EDEM3: variants seen among roughly 807,000 people sequenced by gnomAD.
The protein encoded by EDEM3 is ER degradation enhancing alpha-mannosidase like protein 3.
A neutral mutation model predicts 110.2 loss-of-function variants in EDEM3; 60 were observed. The ratio of observed to expected loss-of-function variants is 0.54; its 90% CI spans 0.44 to 0.67. The LOEUF is 0.67. EDEM3 is among the 30% of genes least tolerant of loss of function. The pLI is 0.00. For missense variants in EDEM3, 996 were observed against 1,121.0 expected, an observed-to-expected ratio of 0.89 and a Z score of 1.59; for synonymous variants, 352 against 382.9, an observed-to-expected ratio of 0.92 and a Z score of 0.94.
At position 184,754,566 on chromosome 1, in the gene EDEM3, C is replaced by T; in HGVS notation, c.81G>A (p.Ala27=). The T allele has an allele frequency of 6.2e-7, 1 of 1,610,222 alleles. No homozygotes were observed. Among genetic ancestry groups the T allele is most frequent in the Non-Finnish European group, 8.5e-7 (1 of 1,178,930 alleles). Residue 27 remains alanine, a synonymous_variant, in exon 1 of 20, where the codon GCG becomes GCA. Coordinates refer to ENST00000318130, the MANE Select transcript of EDEM3 (RefSeq NM_025191.4). ...ARWRLVAATA[A]FCLVSATSVW... ...CGGAGGTGGCCGACACCAGGCAGAA[C>T]GCGGCCGTCGCCGCCACTAGTCTCC...
intron 6 of EDEM3, among the ~76,000 whole-genome samples, chr1:184,729,833 T>C (rs1354314142): frequency 6.6e-6 from 1 of 152,230 alleles, no homozygotes; most frequent in African/African-American, 2.4e-5. Context: ...TTTTAATTCC[T>C]TGCCTGCTTC....
chr1:184,711,937 T>C, intron 14 of EDEM3, 60 bp from the exon 15 acceptor site: 2 of 1,426,268 alleles, frequency 1.4e-6, no homozygotes, highest in African/African-American at 2.9e-5. Context: ...CATAATTTTT[T>C]TTTTTTTGAA....
At chr1:184,725,921 CAAAT>C (rs1430391880) in intron 7 of EDEM3, among the ~76,000 whole-genome samples, 1 of 151,966 alleles carries the variant, frequency 6.6e-6, no homozygotes, top group African/African-American at 2.4e-5. Flanking sequence ...GGAAGTCTAA[CAAAT>C]AAAACACAGG....
intron 7 of EDEM3, among the ~76,000 whole-genome samples, chr1:184,724,588 AT>A (rs899849227): frequency 3.3e-5 from 5 of 152,224 alleles, no homozygotes; most frequent in South Asian, 4.1e-4. Flanking sequence ...GCATGAACCT[AT>A]TTAGCACTGC....
chr1:184,741,735 CTTAT>C (rs1320727165), intron 2 of EDEM3, among the ~76,000 whole-genome samples: 4 of 152,084 alleles, frequency 2.6e-5, no homozygotes, highest in African/African-American at 7.2e-5. Context: ...TATTTTATTG[CTTAT>C]TTGTTTTAAA....
intron 2 of EDEM3, among the ~76,000 whole-genome samples, chr1:184,743,110 T>A (rs1652231945): frequency 6.6e-6 from 1 of 152,138 alleles, no homozygotes. Flanking sequence ...CCCAGAATAA[T>A]CAAATAAGGG....
rs781750968 is a variant in EDEM3, at chr1:184,710,376, A to G, written c.1845+18T>C. The G allele has an allele frequency of 6.2e-7, 1 of 1,609,176 alleles. No homozygotes were observed. Among genetic ancestry groups the G allele is most frequent in the Admixed American group, 1.7e-5 (1 of 59,494 alleles). Reference sequence around the variant, plus strand: ...AGCAGGGCAGAGACGGTATCTAATTAGTGTAGCAATGTCTTACTTGGATTG... The same window carrying G: ...AGCAGGGCAGAGACGGTATCTAATTGGTGTAGCAATGTCTTACTTGGATTG... On this transcript the variant is annotated intron_variant, in intron 16 of 19. Coordinates refer to ENST00000318130, the MANE Select transcript of EDEM3 (RefSeq NM_025191.4).
At chr1:184,713,050 A>C (rs1016378830) in intron 13 of EDEM3, among the ~76,000 whole-genome samples, 4 of 152,196 alleles carry the variant, frequency 2.6e-5, no homozygotes, top group Non-Finnish European at 1.5e-5. Context: ...TTAAATGTAA[A>C]GAAATTACTT....
At chr1:184,734,758 A>G (rs1651730268) in intron 4 of EDEM3, 115 bp from the exon 5 acceptor site, 1 of 359,894 alleles carries the variant, frequency 2.8e-6, no homozygotes, top group African/African-American at 2.1e-5. Flanking sequence ...TGACATACAC[A>G]AATAATATTT....
chr1:184,720,361 A>T (rs1650819758), intron 9 of EDEM3: 1 of 152,108 alleles, frequency 6.6e-6, no homozygotes, highest in Admixed American at 6.6e-5. Flanking sequence ...TTGAATGCAT[A>T]AACTCAATCC....
intron 7 of EDEM3, among the ~76,000 whole-genome samples, chr1:184,725,175 AT>A (rs771854169): frequency 1.4e-3 from 204 of 149,812 alleles, no homozygotes; most frequent in African/African-American, 2.5e-3. Context: ...GTATTCAAGA[AT>A]TTTTTTTTTT....
At chr1:184,716,719 A>T (rs888979277) in intron 13 of EDEM3, among the ~76,000 whole-genome samples, 169 bp downstream of exon 13, 1 of 152,190 alleles carries the variant, frequency 6.6e-6, no homozygotes, top group African/African-American at 2.4e-5. Context: ...CAAACTTTTC[A>T]AACAAATTAA....
intron 16 of EDEM3, among the ~76,000 whole-genome samples, chr1:184,708,986 T>C (rs1230887289): frequency 6.6e-6 from 1 of 151,716 alleles, no homozygotes; most frequent in Non-Finnish European, 1.5e-5. Flanking sequence ...ATGACTATAA[T>C]AGAAAAAAAT....
At chr1:184,701,459 C>G (rs896482397) in intron 19 of EDEM3, 1 of 1,202,650 alleles carries the variant, frequency 8.3e-7, no homozygotes, top group Non-Finnish European at 1.1e-6. Flanking sequence ...TACATATATA[C>G]GTATATAATT....
At chr1:184,744,115 A>G (rs1652286997) in intron 2 of EDEM3, among the ~76,000 whole-genome samples, 1 of 151,392 alleles carries the variant, frequency 6.6e-6, no homozygotes, top group African/African-American at 2.4e-5. Context: ...TTTGTGCTTC[A>G]AAAGTTCCTG....
chr1:184,733,243 T>TA (rs1474763008), intron 5 of EDEM3, among the ~76,000 whole-genome samples: 2 of 152,204 alleles, frequency 1.3e-5, no homozygotes, highest in African/African-American at 4.8e-5. Context: ...TTAATTTTCT[T>TA]AAAGAAAATC....
At chr1:184,730,120 G>A (rs557725701) in intron 6 of EDEM3, among the ~76,000 whole-genome samples, 133 of 152,246 alleles carry the variant, frequency 8.7e-4, no homozygotes, top group African/African-American at 3.1e-3. Flanking sequence ...AATGACACAT[G>A]TACTTTTACA....
At chr1:184,749,373 T>G (rs1478408846) in intron 2 of EDEM3, among the ~76,000 whole-genome samples, 174 bp downstream of exon 2, 2 of 152,116 alleles carry the variant, frequency 1.3e-5, no homozygotes, top group Non-Finnish European at 2.9e-5. Flanking sequence ...TCTTATCTGT[T>G]CAATAAACTG....
intron 6 of EDEM3, among the ~76,000 whole-genome samples, chr1:184,729,356 C>T (rs1651370416): frequency 1.3e-5 from 2 of 152,062 alleles, no homozygotes; most frequent in South Asian, 4.1e-4. Context: ...ACTAGAAAAT[C>T]CTTAAAATAT....
Sources: allele counts gnomAD v4.1 joint callset (sites outside exome capture counted in the v4.1 genomes callset), GRCh38; gene constraint gnomAD v4.1.1; transcripts MANE v1.5; gene names NCBI Gene and HGNC (gene_info 2026-07-23, HGNC 2026-07-21).